Variants in ZCCHC7 observed in about 807,000 individuals in gnomAD.
ZCCHC7 encodes the protein zinc finger CCHC domain-containing protein 7.
ZCCHC7 carries 35 observed loss-of-function variants against 52.0 expected under a neutral mutation model. That is an observed-to-expected ratio of 0.67 (90% confidence interval 0.51 to 0.89). The LOEUF (loss-of-function observed/expected upper bound fraction) is 0.89, where lower values mean the gene tolerates loss of function less well. ZCCHC7 is among the 40% of genes least tolerant of loss of function. The pLI is 0.00. For synonymous variants in ZCCHC7, 217 were observed against 221.5 expected (o/e 0.98, Z 0.18); for missense variants, 574 against 649.1 (o/e 0.88, Z 1.26).
chr9:37,325,005 C>T (rs540488859), intron 5 of ZCCHC7, among the ~76,000 whole-genome samples: 3 of 152,222 alleles, frequency 2.0e-5, no homozygotes, highest in South Asian at 4.2e-4. Context: ...CCGTTGTTCT[C>T]GTAAAACAAT....
At chr9:37,242,660 A>C (rs1375678739) in intron 2 of ZCCHC7, among the ~76,000 whole-genome samples, 1 of 151,848 alleles carries the variant, frequency 6.6e-6, no homozygotes, top group Non-Finnish European at 1.5e-5. Flanking sequence ...AGGATGACAT[A>C]GTGAAGCTCT....
chr9:37,228,400 T>G (rs74864296), intron 2 of ZCCHC7, among the ~76,000 whole-genome samples: 1 of 152,038 alleles, frequency 6.6e-6, no homozygotes, highest in Non-Finnish European at 1.5e-5. Flanking sequence ...TTTTTTTTTT[T>G]GAGACAGGGT....
chr9:37,327,766 T>C (rs1295822045), intron 5 of ZCCHC7, 33 bp from the exon 6 acceptor site: 4 of 1,612,534 alleles, frequency 2.5e-6, no homozygotes, highest in African/African-American at 1.3e-5. Flanking sequence ...CCTTGTTTCA[T>C]GCTCCCAGCT....
intron 2 of ZCCHC7, among the ~76,000 whole-genome samples, chr9:37,206,236 A>G (rs1285328764): frequency 6.6e-6 from 1 of 151,552 alleles, no homozygotes; most frequent in African/African-American, 2.4e-5. Context: ...GATGAAACCA[A>G]TCTTCAGCTT....
intron 2 of ZCCHC7, among the ~76,000 whole-genome samples, chr9:37,249,456 C>T (rs1338491536): frequency 5.4e-5 from 6 of 111,240 alleles, no homozygotes; most frequent in Admixed American, 1.9e-4. Flanking sequence ...CTTCTTCTTC[C>T]TTTTTTTTTT....
chr9:37,271,432 T>C (rs1827405838), intron 2 of ZCCHC7, among the ~76,000 whole-genome samples: 1 of 152,238 alleles, frequency 6.6e-6, no homozygotes, highest in African/African-American at 2.4e-5. Context: ...ATGGACCTTT[T>C]TGGGATCTTA....
intron 2 of ZCCHC7, among the ~76,000 whole-genome samples, chr9:37,225,384 A>G (rs1163730746): frequency 6.6e-6 from 1 of 152,210 alleles, no homozygotes; most frequent in Admixed American, 6.5e-5. Context: ...AAGAAGGAAT[A>G]ATACCAATTC....
At chr9:37,184,623 TCTGA>T (rs766030021) in intron 2 of ZCCHC7, among the ~76,000 whole-genome samples, 8 of 152,268 alleles carry the variant, frequency 5.3e-5, no homozygotes, top group Admixed American at 2.6e-4. Flanking sequence ...TATTTATTGA[TCTGA>T]CTGTCTTTCA....
At chr9:37,200,112 T>C (rs1823553404) in intron 2 of ZCCHC7, among the ~76,000 whole-genome samples, 2 of 152,318 alleles carry the variant, frequency 1.3e-5, no homozygotes, top group African/African-American at 4.8e-5. Flanking sequence ...ACACGTTCTT[T>C]TATTCTTCCT....
At position 37,357,594 on chromosome 9, in the gene ZCCHC7, C is replaced by A; in HGVS notation, c.*326C>A. 2 of 168,328 alleles carry A rather than the reference C, an allele frequency of 1.2e-5. No individual in the cohort carries two copies. Among genetic ancestry groups the A allele is most frequent in the Non-Finnish European group, 1.3e-5 (1 of 79,644 alleles). 10.4% of individuals were successfully genotyped at this position (168,328 alleles called of 1,614,324 possible). ...AAATACTTTGGGAAAAAAACTGCAT[C>A]AAAGGTAATTTATCCTCAAATTAAA... On this transcript the variant is annotated 3_prime_UTR_variant, in exon 9 of 9. Coordinates refer to ENST00000336755, the MANE Select transcript of ZCCHC7 (RefSeq NM_032226.3).
At chr9:37,337,397 A>AC (rs1264594478) in intron 6 of ZCCHC7, among the ~76,000 whole-genome samples, 6 of 17,274 alleles carry the variant, frequency 3.5e-4, no homozygotes, top group East Asian at 4.1e-3. Flanking sequence ...CACCCTACCC[A>AC]CCCACCCCCC....
At chr9:37,283,253 C>G (rs1174137667) in intron 2 of ZCCHC7, among the ~76,000 whole-genome samples, 1 of 152,088 alleles carries the variant, frequency 6.6e-6, no homozygotes, top group Admixed American at 6.5e-5. Flanking sequence ...TAGTCAATGT[C>G]TATCCAGCAC....
chr9:37,335,072 C>T (rs1830592501), intron 6 of ZCCHC7, among the ~76,000 whole-genome samples: 1 of 152,026 alleles, frequency 6.6e-6, no homozygotes, highest in Non-Finnish European at 1.5e-5. Context: ...TTTTGTAATA[C>T]ATCCATTTTA....
rs117976692 is a variant in ZCCHC7 at position 37,197,425 on chromosome 9, G to A, written c.610+70483G>A. The stretch of plus-strand genomic sequence containing the variant: ...GTTATAACAAAGTATAAAAAGAACC[G>A]AGTTCACATTTATTGAAAATGTTGT... On this transcript the variant is annotated intron_variant, in intron 2 of 8. Transcript: ENST00000336755. Among the ~76,000 whole-genome samples the A allele has an allele frequency of 8.5e-5, 13 of 152,314 alleles. No individual in the cohort carries two copies. The East Asian group carries it at 1.7e-3, about 20-fold the overall frequency.
intron 2 of ZCCHC7, among the ~76,000 whole-genome samples, chr9:37,194,861 T>G (rs1413816959): frequency 6.6e-6 from 1 of 152,130 alleles, no homozygotes; most frequent in Non-Finnish European, 1.5e-5. Context: ...AAGGATGTCT[T>G]TGTATGTTGT....
At chr9:37,147,880 G>A (rs995719341) in intron 2 of ZCCHC7, among the ~76,000 whole-genome samples, 2 of 151,914 alleles carry the variant, frequency 1.3e-5, no homozygotes, top group African/African-American at 2.4e-5. Context: ...ACATATTGGA[G>A]GTTGATTGAA....
intron 2 of ZCCHC7, among the ~76,000 whole-genome samples, chr9:37,288,467 A>G (rs917469536): frequency 6.6e-6 from 1 of 151,914 alleles, no homozygotes; most frequent in African/African-American, 2.4e-5. Context: ...AGAAGGTAGA[A>G]CTTTTAAGGA....
intron 2 of ZCCHC7, among the ~76,000 whole-genome samples, chr9:37,205,817 G>C (rs1336090589): frequency 6.6e-6 from 1 of 151,958 alleles, no homozygotes; most frequent in Non-Finnish European, 1.5e-5. Flanking sequence ...TGCCCAGCCA[G>C]CTCCACTTTT....
At chr9:37,205,260 C>A in intron 2 of ZCCHC7, 1 of 330,796 alleles carries the variant, frequency 3.0e-6, no homozygotes, top group South Asian at 3.3e-5. Flanking sequence ...GTGAGGTGTT[C>A]CTTTTTGAAC....
Sources: gnomAD v4.1 joint callset for allele counts (sites outside exome capture counted in the v4.1 genomes callset) on GRCh38, gnomAD v4.1.1 for gene constraint, MANE v1.5 for transcripts, NCBI Gene and HGNC (gene_info 2026-07-23, HGNC 2026-07-21) for gene names.